Variants in PLXNA4 observed in about 807,000 individuals in gnomAD.
PLXNA4 encodes the protein plexin-A4.
PLXNA4 carries 44 observed loss-of-function variants against 191.8 expected under a neutral mutation model. That is an observed-to-expected ratio of 0.23 (90% CI 0.18 to 0.29). The LOEUF is 0.29. Among genes scored for constraint, PLXNA4 ranks in the 10% least tolerant of loss-of-function variants. The pLI, the probability that PLXNA4 is intolerant of heterozygous loss-of-function variation, is 1.00. For missense variants in PLXNA4, 1,800 were observed against 2,488.8 expected, an observed-to-expected ratio of 0.72 and a Z score of 5.89; for synonymous variants, 1,082 against 1,009.5, an observed-to-expected ratio of 1.07 and a Z score of -1.36.
At chr7:132,160,189 T>C (rs1257580956) in intron 24 of PLXNA4, among the ~76,000 whole-genome samples, 1 of 152,166 alleles carries the variant, frequency 6.6e-6, no homozygotes, top group Non-Finnish European at 1.5e-5. Context: ...TTTATGAAGG[T>C]TTCATTCACC....
chr7:132,133,140 AGGTAT>A lies in PLXNA4; in HGVS notation c.5493_5497del (p.Tyr1832GlyfsTer2). On this transcript the variant is annotated frameshift_variant, in exon 31 of 32. Transcript: ENST00000321063. LOFTEE classifies it high-confidence loss of function. ...CATGTGCATCCGGGACTGCTCAGCCAGGTATGCGTTCATGTCTTGGTCGCTGATGG... is the reference window on the plus strand; with the variant it reads ...CATGTGCATCCGGGACTGCTCAGCCAGCGTTCATGTCTTGGTCGCTGATGG... 1 of 1,614,182 alleles carries A rather than the reference AGGTAT, an allele frequency of 6.2e-7. No homozygotes were observed.
chr7:132,494,076 T>C (rs1797910360), intron 2 of PLXNA4, among the ~76,000 whole-genome samples: 1 of 152,214 alleles, frequency 6.6e-6, no homozygotes. Context: ...TTGTTGTTTG[T>C]TGTCATTAGA....
intron 2 of PLXNA4, among the ~76,000 whole-genome samples, chr7:132,630,552 C>T (rs1175644059): frequency 6.6e-6 from 1 of 151,470 alleles, no homozygotes; most frequent in Non-Finnish European, 1.5e-5. Flanking sequence ...CACTCTGTCA[C>T]CCAGGCTGGA....
At chr7:132,250,589 C>T (rs768512081) in intron 4 of PLXNA4, among the ~76,000 whole-genome samples, 14 of 152,168 alleles carry the variant, frequency 9.2e-5, no homozygotes, top group Non-Finnish European at 1.6e-4. Context: ...TTCCTGACTT[C>T]CAGGGCTGCG....
At chr7:132,334,887 A>T (rs1333378920) in intron 3 of PLXNA4, among the ~76,000 whole-genome samples, 2 of 152,124 alleles carry the variant, frequency 1.3e-5, no homozygotes, top group African/African-American at 2.4e-5. Context: ...ATGATCAAAC[A>T]CTTTCATTCA....
intron 1 of PLXNA4, among the ~76,000 whole-genome samples, chr7:132,514,673 C>T (rs1798869928): frequency 6.6e-6 from 1 of 152,136 alleles, no homozygotes; most frequent in South Asian, 2.1e-4. Context: ...CAGCAGATGG[C>T]CTTTGGACTT....
intron 3 of PLXNA4, among the ~76,000 whole-genome samples, chr7:132,364,015 G>A (rs771697965): frequency 4.6e-5 from 7 of 152,214 alleles, no homozygotes; most frequent in Non-Finnish European, 8.8e-5. Flanking sequence ...CATCCCCTTT[G>A]CCACTCGTCT....
chr7:132,174,886 C>T lies in PLXNA4; in HGVS notation c.3909G>A (p.Leu1303=). 1 of 1,614,208 alleles carries T rather than the reference C, an allele frequency of 6.2e-7. No homozygotes were observed. Among genetic ancestry groups the T allele is most frequent in the South Asian group, 1.1e-5 (1 of 91,078 alleles). The change falls in exon 21 of 32, where the codon CTG becomes CTA. Residue 1303 remains leucine, a synonymous_variant. Transcript: ENST00000321063. The part of the protein sequence containing the change: ...FAELQTDIHE[L]TSDLDGAGIP... ...TCCCGGCTCCATCCAGGTCACTGGT[C>T]AGCTCATGGATGTCCGTCTGCAGCT...
At chr7:132,153,029 CAT>C (rs1235155288) in intron 25 of PLXNA4, among the ~76,000 whole-genome samples, 2 of 152,230 alleles carry the variant, frequency 1.3e-5, no homozygotes, top group East Asian at 3.8e-4. Context: ...CGGGATAAAA[CAT>C]AAGCCCTTGC....
chr7:132,164,787 A>T (rs1450353679), intron 23 of PLXNA4, among the ~76,000 whole-genome samples: 1 of 152,236 alleles, frequency 6.6e-6, no homozygotes, highest in Non-Finnish European at 1.5e-5. Context: ...AGCCTCAGTA[A>T]GTCTGGGGCT....
intron 3 of PLXNA4, among the ~76,000 whole-genome samples, chr7:132,333,782 G>T (rs140463191): frequency 1.4e-3 from 213 of 152,262 alleles, no homozygotes; most frequent in African/African-American, 4.8e-3. Flanking sequence ...GTCCTGTGGG[G>T]ATAAGACACT....
chr7:132,572,847 C>A (rs1233621012), intron 1 of PLXNA4, among the ~76,000 whole-genome samples: 1 of 152,168 alleles, frequency 6.6e-6, no homozygotes, highest in Non-Finnish European at 1.5e-5. Flanking sequence ...CCTGTGTGGA[C>A]CAAGCATAGC....
chr7:132,428,011 C>G (rs1051139408), intron 3 of PLXNA4, among the ~76,000 whole-genome samples: 2 of 152,172 alleles, frequency 1.3e-5, no homozygotes, highest in South Asian at 4.1e-4. Flanking sequence ...TTCTGCAAAG[C>G]AGGTGAGACG....
At chr7:132,573,966 G>T (rs1802103198) in intron 1 of PLXNA4, among the ~76,000 whole-genome samples, 1 of 152,172 alleles carries the variant, frequency 6.6e-6, no homozygotes, top group South Asian at 2.1e-4. Flanking sequence ...TGGCAGAGAG[G>T]GTGAATGACA....
At chr7:132,567,011 C>T (rs1801759521) in intron 1 of PLXNA4, among the ~76,000 whole-genome samples, 1 of 152,250 alleles carries the variant, frequency 6.6e-6, no homozygotes, top group Middle Eastern at 3.4e-3. Context: ...CACCATCTCC[C>T]AAAATGCCTT....
Position 132,336,149 on chromosome 7 carries a change from T to C in PLXNA4, c.1372-37927A>G, listed in dbSNP as rs148077370. 3.4e-3 allele frequency among the ~76,000 whole-genome samples: 523 copies of C among 152,340 alleles called. 2 individuals carry two copies. Among genetic ancestry groups the C allele is most frequent in the African/African-American group, 0.012 (507 of 41,576 alleles). Reference sequence around the variant, plus strand: ...AAGGAAAGCCATGTTCTTATGGAAATAGCTTCTGCTCTCTAAGTATTCTAG... The same window carrying C: ...AAGGAAAGCCATGTTCTTATGGAAACAGCTTCTGCTCTCTAAGTATTCTAG... On this transcript the variant is annotated intron_variant, in intron 3 of 31. Transcript: ENST00000321063.
chr7:132,170,325 C>T (rs1796246153), intron 21 of PLXNA4, among the ~76,000 whole-genome samples: 1 of 152,114 alleles, frequency 6.6e-6, no homozygotes, highest in Non-Finnish European at 1.5e-5. Flanking sequence ...TTCACAAAGC[C>T]CCAAGACACA....
At chr7:132,140,149 G>A (rs6954317) in intron 30 of PLXNA4, among the ~76,000 whole-genome samples, 58,336 of 152,148 alleles carry the variant, frequency 0.38, 16,618 homozygotes, top group African/African-American at 0.81. Flanking sequence ...AGTGACAAAG[G>A]CATCCCCACT....
intron 3 of PLXNA4, among the ~76,000 whole-genome samples, chr7:132,395,613 A>G (rs1288370150): frequency 6.6e-6 from 1 of 152,252 alleles, no homozygotes; most frequent in Non-Finnish European, 1.5e-5. Context: ...AGCAGCAGCC[A>G]GTTAAACCCT....
Sources: allele counts gnomAD v4.1 joint callset (sites outside exome capture counted in the v4.1 genomes callset), GRCh38; gene constraint gnomAD v4.1.1; transcripts MANE v1.5; gene names NCBI Gene and HGNC (gene_info 2026-07-23, HGNC 2026-07-21).